The following SOX5 variants were observed in gnomAD, a reference collection of about 807,000 sequenced individuals.
The protein encoded by SOX5 is SRY-box transcription factor 5, also known as transcription factor SOX-5.
In SOX5, 9 loss-of-function variants were observed where a neutral mutation model predicts 92.0. That is an observed-to-expected ratio of 0.10 (90% CI 0.06 to 0.17). The LOEUF (loss-of-function observed/expected upper bound fraction) is 0.17, where lower values mean the gene tolerates loss of function less well. Ranked by LOEUF, SOX5 falls within the 10% of genes least tolerant of loss-of-function variation. The pLI is 1.00. For synonymous variants in SOX5, 344 were observed against 336.3 expected (o/e 1.02, Z -0.25); for missense variants, 642 against 944.5 (o/e 0.68, Z 4.20).
intron 1 of SOX5, among the ~76,000 whole-genome samples, chr12:24,466,754 A>G (rs1944280204): frequency 6.6e-6 from 1 of 152,188 alleles, no homozygotes; most frequent in African/African-American, 2.4e-5. Context: ...TTCAAAAAAC[A>G]GTTTGTGGGC....
chr12:24,434,230 AAG>A (rs1198769936), intron 1 of SOX5, among the ~76,000 whole-genome samples: 5 of 152,168 alleles, frequency 3.3e-5, no homozygotes, highest in South Asian at 2.1e-4. Flanking sequence ...AGGGGAAGGA[AAG>A]AGAGAAACTG....
intron 1 of SOX5, among the ~76,000 whole-genome samples, chr12:24,426,547 G>A (rs1396849273): frequency 6.6e-6 from 1 of 152,198 alleles, no homozygotes; most frequent in African/African-American, 2.4e-5. Context: ...ATCATTGAAG[G>A]TGAGGTCTGA....
In SOX5 at chr12:23,803,096, T is replaced by G. The variant is rs571881170; in HGVS notation, c.481+42887A>C. The stretch of plus-strand genomic sequence containing the variant: ...TTAGCTTCTCTACAAGATTCCATCA[T>G]GCTTCTCTAAATTCTCTATCACAAT... On this transcript the variant is annotated intron_variant, in intron 3 of 14. Transcript: ENST00000451604. Among the ~76,000 whole-genome samples, 6 of 152,360 alleles carry G rather than the reference T, an allele frequency of 3.9e-5. No individual in the cohort carries two copies. The East Asian group carries it at 9.6e-4, about 24-fold the overall frequency.
chr12:23,761,939 A>C (rs10505907), intron 3 of SOX5, among the ~76,000 whole-genome samples: 4,459 of 152,260 alleles, frequency 0.029, 87 homozygotes, highest in South Asian at 0.072. Context: ...TTTCTTCAAA[A>C]GGCTAATTAC....
chr12:23,659,866 C>T (rs1287824154), intron 7 of SOX5, among the ~76,000 whole-genome samples: 4 of 152,090 alleles, frequency 2.6e-5, no homozygotes, highest in Admixed American at 2.0e-4. Context: ...ACTTGGGAGG[C>T]TGAGGCAGGA....
chr12:24,403,576 T>C (rs921253397), intron 1 of SOX5, among the ~76,000 whole-genome samples: 3 of 152,228 alleles, frequency 2.0e-5, no homozygotes, highest in Non-Finnish European at 4.4e-5. Flanking sequence ...AAATTCAATT[T>C]ACAATAAAAT....
chr12:23,899,043 T>A (rs2137857989), intron 1 of SOX5, among the ~76,000 whole-genome samples: 1 of 152,240 alleles, frequency 6.6e-6, no homozygotes, highest in Admixed American at 6.5e-5. Context: ...AAATCACCAA[T>A]AACATTAGAT....
chr12:24,401,208 C>A (rs985201597), intron 1 of SOX5, among the ~76,000 whole-genome samples: 1 of 151,868 alleles, frequency 6.6e-6, no homozygotes, highest in Non-Finnish European at 1.5e-5. Flanking sequence ...AAAAATTAGC[C>A]GGTCCTGGTG....
At chr12:24,331,170 C>T (rs1054350806) in intron 2 of SOX5, 2 of 152,072 alleles carry the variant, frequency 1.3e-5, no homozygotes, top group East Asian at 1.9e-4. Context: ...AGAAATTGTC[C>T]GAGCTGTTAA....
Position 23,625,881 on chromosome 12 carries a change from A to G in SOX5, c.1017+14931T>C, listed in dbSNP as rs537343438. 2.4e-4 allele frequency among the ~76,000 whole-genome samples: 37 copies of G among 152,316 alleles called. No individual in the cohort carries two copies. The East Asian group carries it at 6.8e-3, about 28-fold the overall frequency. The stretch of plus-strand genomic sequence containing the variant: ...CTCGGCCTCCCAAAGTGTTGGGATT[A>G]CAGGCATGAGCCACCGCGCCCGGCC... On this transcript the variant is annotated intron_variant, in intron 8 of 14. Transcript: ENST00000451604.
intron 1 of SOX5, among the ~76,000 whole-genome samples, chr12:24,535,208 T>C (rs571838141): frequency 2.0e-5 from 3 of 152,294 alleles, no homozygotes; most frequent in African/African-American, 7.2e-5. Context: ...CTATGTGCTG[T>C]GAATAGAGGG....
At chr12:24,184,698 G>T (rs564113925) in intron 4 of SOX5, among the ~76,000 whole-genome samples, 3 of 152,160 alleles carry the variant, frequency 2.0e-5, no homozygotes, top group African/African-American at 4.8e-5. Flanking sequence ...AACATTACCT[G>T]GCTGAAGGAT....
intron 1 of SOX5, among the ~76,000 whole-genome samples, chr12:24,380,504 G>A (rs1028696429): frequency 6.6e-6 from 1 of 152,178 alleles, no homozygotes. Flanking sequence ...TTCTTGATGT[G>A]TGTGAAGAAG....
At chr12:24,532,557 C>T (rs553009352) in intron 1 of SOX5, among the ~76,000 whole-genome samples, 20 of 152,252 alleles carry the variant, frequency 1.3e-4, no homozygotes, top group African/African-American at 3.6e-4. Flanking sequence ...AAGACAAGGA[C>T]GATTTACAAC....
chr12:23,891,186 T>C (rs149011052), intron 2 of SOX5, among the ~76,000 whole-genome samples: 3 of 152,334 alleles, frequency 2.0e-5, no homozygotes, highest in African/African-American at 4.8e-5. Context: ...AAATGAACTT[T>C]AAGTATTTAT....
At chr12:23,666,880 C>T (rs1250553033) in intron 6 of SOX5, among the ~76,000 whole-genome samples, 2 of 152,168 alleles carry the variant, frequency 1.3e-5, no homozygotes, top group Non-Finnish European at 2.9e-5. Flanking sequence ...AATTGTCTTT[C>T]AGATCTGTTT....
intron 4 of SOX5, among the ~76,000 whole-genome samples, chr12:24,070,606 A>G (rs1459773250): frequency 6.6e-6 from 1 of 152,186 alleles, no homozygotes; most frequent in East Asian, 1.9e-4. Context: ...AACTACTGTA[A>G]AGGACTGATA....
chr12:24,108,599 CA>C (rs1308715064), intron 4 of SOX5, among the ~76,000 whole-genome samples: 1 of 152,070 alleles, frequency 6.6e-6, no homozygotes, highest in South Asian at 2.1e-4. Context: ...AGCCTATTAA[CA>C]AATTCAGAAA....
chr12:23,863,791 ACTACACACACACAC>A (rs1199737662), intron 2 of SOX5, among the ~76,000 whole-genome samples: 44 of 135,060 alleles, frequency 3.3e-4, no homozygotes, highest in Admixed American at 1.0e-3. Context: ...TTTTAAACAC[ACTACACACACACAC>A]ACACACACAC....
Sources: allele counts gnomAD v4.1 joint callset (sites outside exome capture counted in the v4.1 genomes callset), GRCh38; gene constraint gnomAD v4.1.1; transcripts MANE v1.5; gene names NCBI Gene and HGNC (gene_info 2026-07-23, HGNC 2026-07-21).